Variants in SPMIP7 observed in about 807,000 individuals in gnomAD.
SPMIP7 encodes the protein protein SPMIP7.
At chr7:50,112,025 T>C in the SPMIP7 span, among the ~76,000 whole-genome samples, 1 of 152,132 alleles carries the variant, frequency 6.6e-6, no homozygotes, top group East Asian at 1.9e-4. Context: ...TTTGAGATTA[T>C]AAAGGTCTGC....
the SPMIP7 span, among the ~76,000 whole-genome samples, chr7:50,148,429 G>A: frequency 6.6e-6 from 1 of 152,212 alleles, no homozygotes; most frequent in Non-Finnish European, 1.5e-5. Flanking sequence ...CAGATGGCCT[G>A]CGTCCATCCC....
At chr7:50,115,622 T>C in the SPMIP7 span, among the ~76,000 whole-genome samples, 1 of 152,038 alleles carries the variant, frequency 6.6e-6, no homozygotes, top group Non-Finnish European at 1.5e-5. Context: ...TGGTAAAAAA[T>C]AAAAACATAT....
chr7:50,120,186 A>G, the SPMIP7 span: 1 of 152,236 alleles, frequency 6.6e-6, no homozygotes, highest in African/African-American at 2.4e-5. Flanking sequence ...CAAAGTGATC[A>G]ATAACCAAAA....
the SPMIP7 span, among the ~76,000 whole-genome samples, chr7:50,139,822 T>C: frequency 6.6e-6 from 1 of 152,152 alleles, no homozygotes; most frequent in Non-Finnish European, 1.5e-5. Flanking sequence ...ATAAAGATAC[T>C]AGAGTATGCC....
chr7:50,128,813 T>C, the SPMIP7 span, among the ~76,000 whole-genome samples: 127,070 of 151,888 alleles, frequency 0.84, 53,205 homozygotes, highest in East Asian at 0.92. Flanking sequence ...TGATGAAAGT[T>C]ATGAATTGTT....
At chr7:50,137,515 T>C in the SPMIP7 span, among the ~76,000 whole-genome samples, 1 of 152,260 alleles carries the variant, frequency 6.6e-6, no homozygotes, top group South Asian at 2.1e-4. Flanking sequence ...ATTTCTGAGT[T>C]TTATATACTC....
chr7:50,153,918 G>T, the SPMIP7 span, among the ~76,000 whole-genome samples: 4 of 152,156 alleles, frequency 2.6e-5, no homozygotes, highest in African/African-American at 7.2e-5. Flanking sequence ...CTTTTCTAAG[G>T]TGCCTGCCAA....
chr7:50,116,122 T>TA, the SPMIP7 span, among the ~76,000 whole-genome samples: 1 of 152,190 alleles, frequency 6.6e-6, no homozygotes. Context: ...TATTTTACCT[T>TA]ATTTTATTTT....
the SPMIP7 span, among the ~76,000 whole-genome samples, chr7:50,157,408 TC>T: frequency 2.0e-5 from 3 of 152,202 alleles, no homozygotes; most frequent in African/African-American, 7.2e-5. Flanking sequence ...TTTTTCTAGC[TC>T]CCATTTCCAC....
chr7:50,142,305 G>A, the SPMIP7 span, among the ~76,000 whole-genome samples: 1 of 152,104 alleles, frequency 6.6e-6, no homozygotes, highest in Non-Finnish European at 1.5e-5. Context: ...CATATTATTT[G>A]GGGTCATTTC....
the SPMIP7 span, among the ~76,000 whole-genome samples, chr7:50,150,503 G>A: frequency 1.3e-5 from 2 of 152,184 alleles, no homozygotes. Context: ...CTATTACACA[G>A]AGCCTCATGA....
At chr7:50,123,188 C>T in the SPMIP7 span, among the ~76,000 whole-genome samples, 1 of 121,810 alleles carries the variant, frequency 8.2e-6, no homozygotes, top group African/African-American at 3.3e-5. Flanking sequence ...CAATGATAGA[C>T]TGGATTAAGA....
chr7:50,110,870 T>C, the SPMIP7 span, among the ~76,000 whole-genome samples: 1 of 134,550 alleles, frequency 7.4e-6, no homozygotes, highest in Non-Finnish European at 1.5e-5. Flanking sequence ...GATATTATAC[T>C]ATATTACTAT....
the SPMIP7 span, among the ~76,000 whole-genome samples, chr7:50,098,146 A>G: frequency 6.6e-6 from 1 of 152,028 alleles, no homozygotes; most frequent in Non-Finnish European, 1.5e-5. Flanking sequence ...TTACATACAC[A>G]CTGGTATGCT....
At chr7:50,119,927 T>G in the SPMIP7 span, among the ~76,000 whole-genome samples, 4 of 152,260 alleles carry the variant, frequency 2.6e-5, no homozygotes, top group East Asian at 7.7e-4. Context: ...AGAAAATAAA[T>G]TACTCGCTGA....
chr7:50,147,279 G>T, the SPMIP7 span, among the ~76,000 whole-genome samples: 2 of 152,174 alleles, frequency 1.3e-5, no homozygotes, highest in Non-Finnish European at 2.9e-5. Context: ...GTGAGCTAAT[G>T]AGGCTCTCCT....
chr7:50,131,328 G>C, the SPMIP7 span, among the ~76,000 whole-genome samples: 31 of 152,284 alleles, frequency 2.0e-4, no homozygotes, highest in African/African-American at 7.2e-4. Flanking sequence ...TACTGAGGTT[G>C]CCATTTCATA....
chr7:50,106,249 G>A, the SPMIP7 span, among the ~76,000 whole-genome samples: 1 of 152,300 alleles, frequency 6.6e-6, no homozygotes, highest in Admixed American at 6.5e-5. Context: ...CTGTGACACT[G>A]AAAGAATTTG....
chr7:50,106,947 AAAT>A, the SPMIP7 span, among the ~76,000 whole-genome samples: 1 of 152,052 alleles, frequency 6.6e-6, no homozygotes, highest in Non-Finnish European at 1.5e-5. Flanking sequence ...CTAAAAATAC[AAAT>A]ATTAGGCCAG....
Sources: allele counts gnomAD v4.1 joint callset (sites outside exome capture counted in the v4.1 genomes callset), GRCh38; gene constraint gnomAD v4.1.1; transcripts MANE v1.5; gene names NCBI Gene and HGNC (gene_info 2026-07-23, HGNC 2026-07-21).